VEPH1: variants seen among roughly 807,000 people sequenced by gnomAD.
VEPH1 encodes ventricular zone-expressed PH domain-containing protein homolog 1.
Under a neutral mutation model 85.2 loss-of-function variants are expected in VEPH1, and 80 were observed. That is an observed-to-expected ratio of 0.94 (90% CI 0.78 to 1.13). VEPH1 has a LOEUF of 1.13. Among genes scored for constraint, VEPH1 ranks in the 50% most tolerant of loss-of-function variants. VEPH1 has a pLI of 0.00. For synonymous variants in VEPH1, 297 were observed against 348.0 expected (o/e 0.85, Z 1.63); for missense variants, 955 against 980.5 (o/e 0.97, Z 0.35).
chr3:157,284,448 C>T (rs997032102), intron 12 of VEPH1, among the ~76,000 whole-genome samples: 1 of 152,148 alleles, frequency 6.6e-6, no homozygotes, highest in African/African-American at 2.4e-5. Context: ...AATATGCTAG[C>T]TGTGCATGAC....
At chr3:157,495,648 C>T in intron 1 of VEPH1, 142 bp from the exon 2 acceptor site, 1 of 298,204 alleles carries the variant, frequency 3.4e-6, no homozygotes, top group Non-Finnish European at 5.8e-6. Flanking sequence ...GCTTAATGAT[C>T]TTTAAATGAA....
intron 4 of VEPH1, chr3:157,443,224 G>A (rs1436914379): frequency 2.4e-6 from 1 of 410,894 alleles, no homozygotes; most frequent in East Asian, 3.6e-5. Context: ...TTAATGCTGT[G>A]TCTCTGTCAG....
chr3:157,381,403 T>C (rs1233006006), intron 6 of VEPH1, 27 bp from the exon 7 acceptor site: 2 of 1,608,624 alleles, frequency 1.2e-6, no homozygotes, highest in Admixed American at 3.3e-5. Flanking sequence ...AGAAAATAGG[T>C]TTATCTTTTA....
chr3:157,443,280 G>A (rs1734283659), intron 4 of VEPH1: 2 of 265,634 alleles, frequency 7.5e-6, no homozygotes, highest in East Asian at 7.0e-5. Context: ...TGAACAGAGG[G>A]ACAATTGTTT....
chr3:157,498,260 T>G (rs1739831604), intron 1 of VEPH1, among the ~76,000 whole-genome samples: 1 of 152,192 alleles, frequency 6.6e-6, no homozygotes, highest in Non-Finnish European at 1.5e-5. Context: ...GTTCATGTTG[T>G]TTTCCTTTCT....
intron 9 of VEPH1, among the ~76,000 whole-genome samples, chr3:157,353,733 G>A (rs534448716): frequency 6.6e-6 from 1 of 151,588 alleles, no homozygotes; most frequent in East Asian, 1.9e-4. Context: ...AGCACTTAAC[G>A]CTTTGTAACA....
At chr3:157,432,957 T>C (rs1205306119) in intron 4 of VEPH1, among the ~76,000 whole-genome samples, 1 of 152,174 alleles carries the variant, frequency 6.6e-6, no homozygotes, top group Non-Finnish European at 1.5e-5. Flanking sequence ...TTATGTTAAA[T>C]TGTTGCTTAG....
intron 9 of VEPH1, among the ~76,000 whole-genome samples, chr3:157,342,420 G>A (rs1257039611): frequency 2.0e-5 from 3 of 151,948 alleles, no homozygotes; most frequent in Admixed American, 2.0e-4. Context: ...AAGATCAAAA[G>A]AGACAAAGGA....
intron 12 of VEPH1, among the ~76,000 whole-genome samples, chr3:157,266,417 T>A (rs1713651795): frequency 6.6e-6 from 1 of 152,172 alleles, no homozygotes; most frequent in Non-Finnish European, 1.5e-5. Context: ...TGAGGGTGGC[T>A]TTCCCCCATA....
chr3:157,398,217 T>G (rs535031852), intron 6 of VEPH1, among the ~76,000 whole-genome samples: 16 of 152,322 alleles, frequency 1.1e-4, no homozygotes, highest in African/African-American at 3.8e-4. Flanking sequence ...CACCCAATTT[T>G]GTCTTGATGG....
chr3:157,374,111 A>G (rs530731077), intron 7 of VEPH1, among the ~76,000 whole-genome samples: 113 of 152,328 alleles, frequency 7.4e-4, no homozygotes, highest in Non-Finnish European at 1.4e-3. Context: ...AAATGGTACC[A>G]CATGTCAGAC....
intron 7 of VEPH1, 24 bp downstream of exon 7, chr3:157,381,132 A>G: frequency 1.2e-6 from 2 of 1,610,468 alleles, no homozygotes; most frequent in South Asian, 1.1e-5. Flanking sequence ...CAGCTCCCTG[A>G]GGTACACAGA....
chr3:157,417,068 GT>G (rs562847287), intron 5 of VEPH1, among the ~76,000 whole-genome samples: 78 of 145,786 alleles, frequency 5.4e-4, no homozygotes, highest in African/African-American at 1.4e-3. Flanking sequence ...AACAAAAGTT[GT>G]TTTTTTTTTT....
chr3:157,297,387 G>C (rs1718264267), intron 11 of VEPH1, among the ~76,000 whole-genome samples: 1 of 152,154 alleles, frequency 6.6e-6, no homozygotes, highest in Non-Finnish European at 1.5e-5. Context: ...ATGCGACGTG[G>C]ACATGAACAT....
At chr3:157,369,209 C>T (rs1183048674) in intron 7 of VEPH1, among the ~76,000 whole-genome samples, 2 of 57,602 alleles carry the variant, frequency 3.5e-5, no homozygotes, top group Non-Finnish European at 7.8e-5. Flanking sequence ...AAAAAACCTC[C>T]TGAGGTCTAC....
chr3:157,369,482 A>G (rs1727239750), intron 7 of VEPH1, among the ~76,000 whole-genome samples: 1 of 152,178 alleles, frequency 6.6e-6, no homozygotes, highest in Admixed American at 6.5e-5. Context: ...TGGTTTTATG[A>G]TTTAGATTTG....
chr3:157,450,845 T>A (rs1734916416), intron 4 of VEPH1, among the ~76,000 whole-genome samples: 1 of 152,176 alleles, frequency 6.6e-6, no homozygotes, highest in Admixed American at 6.5e-5. Flanking sequence ...GGCTTAACAT[T>A]AGTTTTTCCC....
intron 4 of VEPH1, among the ~76,000 whole-genome samples, chr3:157,453,071 A>AG (rs1282860465): frequency 6.6e-6 from 1 of 152,208 alleles, no homozygotes; most frequent in Non-Finnish European, 1.5e-5. Context: ...CAGATCAAAG[A>AG]GAAAAAAAGA....
intron 4 of VEPH1, among the ~76,000 whole-genome samples, chr3:157,451,339 T>C (rs1200802816): frequency 1.3e-5 from 2 of 152,220 alleles, no homozygotes; most frequent in Non-Finnish European, 2.9e-5. Flanking sequence ...ATTCCAATTA[T>C]ACCTTTAATC....
Sources: gnomAD v4.1 joint callset for allele counts (sites outside exome capture counted in the v4.1 genomes callset) on GRCh38, gnomAD v4.1.1 for gene constraint, MANE v1.5 for transcripts, NCBI Gene and HGNC (gene_info 2026-07-23, HGNC 2026-07-21) for gene names.